FGD2: variants seen among roughly 807,000 people sequenced by gnomAD.
FGD2 encodes the protein FYVE, RhoGEF and PH domain-containing protein 2.
FGD2 carries 52 observed loss-of-function variants against 75.9 expected under a neutral mutation model. The ratio of observed to expected loss-of-function variants is 0.69; its 90% CI spans 0.55 to 0.86. The LOEUF is 0.86. Among genes scored for constraint, FGD2 ranks in the 40% least tolerant of loss-of-function variants. The pLI, the probability that FGD2 is intolerant of heterozygous loss-of-function variation, is 0.00. For synonymous variants in FGD2, 347 were observed against 348.6 expected (o/e 1.00, Z 0.05); for missense variants, 790 against 872.0 (o/e 0.91, Z 1.18).
chr6:37,019,666 T>G (rs949287375), intron 9 of FGD2, among the ~76,000 whole-genome samples: 113 of 152,290 alleles, frequency 7.4e-4, no homozygotes, highest in African/African-American at 2.6e-3. Context: ...ATAGATGTTC[T>G]TCCATCTCAC....
At position 37,014,013 on chromosome 6, in the gene FGD2, G is replaced by A; in HGVS notation, c.736G>A (p.Val246Met). The A allele has an allele frequency of 3.7e-6, 6 of 1,614,114 alleles. No homozygotes were observed. The highest frequency in any genetic ancestry group is 5.1e-6 in the Non-Finnish European group (6 of 1,179,992). The change falls in exon 6 of 16, where the codon GTG (valine) becomes ATG (methionine). Residue 246 changes from valine (V) to methionine (M), a missense_variant. Transcript: ENST00000274963. Reference sequence around the variant, plus strand: ...CCTGCAGCACCACATGCTGGAACCAGTGCAGAGAATTCCACGTTACGAGCT... The same window carrying A: ...CCTGCAGCACCACATGCTGGAACCAATGCAGAGAATTCCACGTTACGAGCT... The part of the protein sequence containing the change: ...LTLQHHMLEP[V>M]QRIPRYELLL...
rs1446979278 is a variant in FGD2, at chr6:37,009,171, G to T, written c.300+106G>T. 1.0e-5 allele frequency: 11 copies of T among 1,092,738 alleles called. No homozygotes were observed. The Admixed American group carries it at 2.7e-4, about 26-fold the overall frequency. 67.7% of individuals were successfully genotyped at this position (1,092,738 alleles called of 1,614,324 possible). A position where few individuals can be genotyped will look rare whatever the true frequency, so the allele number is the denominator to read the frequency against. ...GCCAGAGCCAGCAGTTCCCCAGGTG[G>T]GGGTATGGTGTGATCAGAGGTCAGC... On this transcript the variant is annotated intron_variant, in intron 2 of 15. Transcript: ENST00000274963.
intron 1 of FGD2, among the ~76,000 whole-genome samples, chr6:37,007,609 G>A (rs1424989899): frequency 6.6e-6 from 1 of 152,258 alleles, no homozygotes; most frequent in African/African-American, 2.4e-5. Context: ...TACTGAGTGA[G>A]GGGACCCATA....
Position 37,006,014 on chromosome 6 carries a change from C to T in FGD2, c.68+129C>T, listed in dbSNP as rs938925356. ...CAGGGGCAGCCCCGCGTTCCTCGGT[C>T]ACGGATTCCTTGGAGCATGGGAGAG... On this transcript the variant is annotated intron_variant, in intron 1 of 15. Transcript: ENST00000274963. 22 of 1,031,878 alleles carry T rather than the reference C, an allele frequency of 2.1e-5. No individual in the cohort carries two copies. The Admixed American group carries it at 3.4e-4, about 16-fold the overall frequency. 63.9% of individuals were successfully genotyped at this position (1,031,878 alleles called of 1,614,324 possible). A position where few individuals can be genotyped will look rare whatever the true frequency, so the allele number is the denominator to read the frequency against.
intron 15 of FGD2, 64 bp downstream of exon 15, chr6:37,027,639 G>T: frequency 6.3e-7 from 1 of 1,584,796 alleles, no homozygotes; most frequent in South Asian, 1.1e-5. Flanking sequence ...TGTGTGAAGG[G>T]GGTCAGGGGT....
At position 37,005,776 on chromosome 6, in the gene FGD2, C is replaced by A; in HGVS notation, c.-42C>A. On this transcript the variant is annotated 5_prime_UTR_variant, in exon 1 of 16. The change creates a new upstream start codon in the 5' untranslated region. Coordinates refer to ENST00000274963, the MANE Select transcript of FGD2 (RefSeq NM_173558.4). ...GTGTGCTGGCTGGAGGCCTCTCTCT[C>A]TGCTTCGAGGGTAGCTGAGATCCAC... 6.2e-7 allele frequency: 1 copy of A among 1,609,064 alleles called. No individual in the cohort carries two copies. The highest frequency in any genetic ancestry group is 1.1e-5 in the South Asian group (1 of 89,844).
chr6:37,012,075 G>C, intron 4 of FGD2: 1 of 511,428 alleles, frequency 2.0e-6, no homozygotes. Context: ...GGGTGGATCA[G>C]GTCCTGGCCA....
At chr6:37,014,749 G>A in intron 7 of FGD2, 45 bp downstream of exon 7, 1 of 1,613,062 alleles carries the variant, frequency 6.2e-7, no homozygotes, top group Admixed American at 1.7e-5. Flanking sequence ...CCTCCCTGCA[G>A]GTCTCAGCCT....
intron 13 of FGD2, chr6:37,024,538 C>G (rs1406843879): frequency 6.6e-6 from 1 of 151,796 alleles, no homozygotes; most frequent in African/African-American, 2.4e-5. Context: ...AGACAGAGAG[C>G]AAATGTGGCA....
chr6:37,025,519 G>A (rs1765774011), intron 13 of FGD2: 2 of 482,732 alleles, frequency 4.1e-6, no homozygotes, highest in Non-Finnish European at 7.6e-6. Flanking sequence ...ACCTGGAGGG[G>A]AGAGAAGTTA....
At chr6:37,027,837 A>T in intron 15 of FGD2, 111 bp from the exon 16 acceptor site, 1 of 1,245,932 alleles carries the variant, frequency 8.0e-7, no homozygotes, top group Non-Finnish European at 1.1e-6. Context: ...CCCCCAACCC[A>T]TGGGGGTTTA....
In FGD2 at chr6:37,027,836, C is replaced by T. The variant is rs555637342; in HGVS notation, c.1753-112C>T. The T allele has an allele frequency of 4.7e-5, 60 of 1,265,142 alleles. No homozygotes were observed. In the African/African-American group the frequency reaches 6.1e-4, roughly 13 times the overall value. The allele number at this position is 1,265,142 out of a possible 1,614,324, so 78.4% of individuals were successfully genotyped here. On this transcript the variant is annotated intron_variant, in intron 15 of 15. Coordinates refer to ENST00000274963, the MANE Select transcript of FGD2 (RefSeq NM_173558.4). ...GGCCTTCACCAGCCCACCCCCAACC[C>T]ATGGGGGTTTAGGGTGTGAGCTGTG...
intron 7 of FGD2, 39 bp from the exon 8 acceptor site, chr6:37,014,853 C>G: frequency 1.2e-6 from 2 of 1,611,022 alleles, no homozygotes; most frequent in Admixed American, 1.7e-5. Flanking sequence ...CAGGTGAGCC[C>G]TGCCCAGACT....
chr6:37,027,625 CGT>C (rs774381051), intron 15 of FGD2, 50 bp downstream of exon 15: 2 of 1,605,648 alleles, frequency 1.2e-6, no homozygotes, highest in Admixed American at 1.7e-5. Flanking sequence ...CTTCCCACAG[CGT>C]GTGTGTGAAG....
At chr6:37,011,354 C>T (rs1490919114) in intron 3 of FGD2, 9 of 554,000 alleles carry the variant, frequency 1.6e-5, no homozygotes, top group African/African-American at 9.4e-5. Context: ...AACCTCACAA[C>T]GATCTTACCT....
intron 1 of FGD2, among the ~76,000 whole-genome samples, chr6:37,008,388 T>G (rs1267650826): frequency 6.6e-6 from 1 of 152,156 alleles, no homozygotes; most frequent in African/African-American, 2.4e-5. Context: ...TCGATCCCAT[T>G]GAGAAGCCCC....
At chr6:37,014,591 C>G in intron 6 of FGD2, 55 bp from the exon 7 acceptor site, 1 of 1,604,056 alleles carries the variant, frequency 6.2e-7, no homozygotes, top group East Asian at 2.2e-5. Context: ...GACCTCCTGC[C>G]CCAGCCACCA....
At chr6:37,026,215 C>T in intron 14 of FGD2, 1 of 985,442 alleles carries the variant, frequency 1.0e-6, no homozygotes, top group Non-Finnish European at 1.2e-6. Flanking sequence ...GATAGTACGG[C>T]CCCTCTGGAC....
At position 37,008,917 on chromosome 6, in the gene FGD2, C is replaced by T. The variant is rs1418324778; in HGVS notation, c.152C>T (p.Pro51Leu). The T allele has an allele frequency of 5.6e-6, 9 of 1,614,104 alleles. No homozygotes were observed. Among genetic ancestry groups the T allele is most frequent in the Non-Finnish European group, 7.6e-6 (9 of 1,180,048 alleles). The stretch of plus-strand genomic sequence containing the variant: ...TGCAGGCCTCCCGAGTCCCCAGGAC[C>T]ACGGGAGAAGACGAATGTCGGGGAG... ...PECRPPESPG[P>L]REKTNVGEAV... Residue 51 changes from proline (P) to leucine (L), a missense_variant, in exon 2 of 16, where the codon CCA becomes CTA. Pro to Leu is a moderately conservative substitution (Grantham distance 98). Coordinates refer to ENST00000274963, the MANE Select transcript of FGD2 (RefSeq NM_173558.4).
Sources: gnomAD v4.1 joint callset for allele counts (sites outside exome capture counted in the v4.1 genomes callset) on GRCh38, gnomAD v4.1.1 for gene constraint, MANE v1.5 for transcripts, NCBI Gene and HGNC (gene_info 2026-07-23, HGNC 2026-07-21) for gene names.